LEF1: variants seen among roughly 807,000 people sequenced by gnomAD.
The protein encoded by LEF1 is lymphoid enhancer binding factor 1.
LEF1 carries 14 observed loss-of-function variants against 51.2 expected under a neutral mutation model. That is an observed-to-expected ratio of 0.27 (90% confidence interval 0.18 to 0.43). The LOEUF is 0.43. Ranked by LOEUF, LEF1 falls within the 20% of genes least tolerant of loss-of-function variation. The pLI is 1.00. For missense variants in LEF1, 386 were observed against 512.0 expected, an observed-to-expected ratio of 0.75 and a Z score of 2.37; for synonymous variants, 185 against 183.2, an observed-to-expected ratio of 1.01 and a Z score of -0.08.
At position 108,161,501 on chromosome 4, in the gene LEF1, C is replaced by T. The variant is rs537659536; in HGVS notation, c.414+2067G>A. On this transcript the variant is annotated intron_variant, in intron 3 of 11. Coordinates refer to ENST00000265165, the MANE Select transcript of LEF1 (RefSeq NM_016269.5). ...CTAAACAATGAATGACTGTTTGATT[C>T]ACTGACCTCAAAATTTTAATACATA... 3.9e-5 allele frequency among the ~76,000 whole-genome samples: 6 copies of T among 152,298 alleles called. No individual in the cohort carries two copies. In the South Asian group the frequency reaches 1.2e-3, roughly 32 times the overall value.
chr4:108,102,014 T>C (rs760963723), intron 3 of LEF1, among the ~76,000 whole-genome samples: 7 of 142,742 alleles, frequency 4.9e-5, no homozygotes, highest in African/African-American at 8.0e-5. Context: ...TGAGCCAAGA[T>C]AGCACACCAT....
At chr4:108,152,810 GCCACCTTCCAGCCATA>G (rs1434048912) in intron 3 of LEF1, among the ~76,000 whole-genome samples, 1 of 152,166 alleles carries the variant, frequency 6.6e-6, no homozygotes, top group Non-Finnish European at 1.5e-5. Context: ...GAGGCCACTG[GCCACCTTCCAGCCATA>G]CCACCACCAA....
intron 3 of LEF1, among the ~76,000 whole-genome samples, chr4:108,097,058 T>C (rs962119085): frequency 5.3e-5 from 8 of 152,156 alleles, no homozygotes; most frequent in Admixed American, 3.9e-4. Context: ...AAAAATATTA[T>C]CACCTTATTA....
chr4:108,104,484 T>C (rs1441256429), intron 3 of LEF1, among the ~76,000 whole-genome samples: 1 of 147,176 alleles, frequency 6.8e-6, no homozygotes, highest in Non-Finnish European at 1.5e-5. Context: ...AAAATATATA[T>C]ATAAATTATT....
intron 1 of LEF1, among the ~76,000 whole-genome samples, chr4:108,165,604 T>A (rs1446709416): frequency 6.6e-6 from 1 of 152,188 alleles, no homozygotes; most frequent in Admixed American, 6.5e-5. Flanking sequence ...CAACTGAAAA[T>A]GGCATTTAAA....
rs116960136 is a variant in LEF1, at chr4:108,134,773, T to A, written c.414+28795A>T. Among the ~76,000 whole-genome samples, 189 of 152,314 alleles carry A rather than the reference T, an allele frequency of 1.2e-3. 5 individuals are homozygous for A. The East Asian group carries it at 0.033, about 27-fold the overall frequency. On this transcript the variant is annotated intron_variant, in intron 3 of 11. Transcript: ENST00000265165. The stretch of plus-strand genomic sequence containing the variant: ...AAATTAAAACCCTGAGAAGTTAAAG[T>A]AAATGGCTCAAGGTCACATAGCAAG...
chr4:108,165,184 A>G, intron 1 of LEF1, 21 bp from the exon 2 acceptor site: 1 of 1,610,750 alleles, frequency 6.2e-7, no homozygotes, highest in South Asian at 1.1e-5. Context: ...GAATCCCCAC[A>G]CCCAAAAGAA....
chr4:108,109,072 G>A (rs1741359832), intron 3 of LEF1, among the ~76,000 whole-genome samples: 1 of 152,170 alleles, frequency 6.6e-6, no homozygotes, highest in Non-Finnish European at 1.5e-5. Flanking sequence ...AAGGAGCTTG[G>A]CAGACAAAGG....
chr4:108,124,412 C>CA (rs1402456475), intron 3 of LEF1, among the ~76,000 whole-genome samples: 2 of 151,958 alleles, frequency 1.3e-5, no homozygotes, highest in Non-Finnish European at 2.9e-5. Flanking sequence ...CTCTGTCCCC[C>CA]AGGCTGGAGT....
intron 3 of LEF1, among the ~76,000 whole-genome samples, chr4:108,092,752 C>T (rs930607800): frequency 1.3e-5 from 2 of 151,802 alleles, no homozygotes; most frequent in African/African-American, 2.4e-5. Context: ...TATACATGCC[C>T]GTGTGCATAT....
Position 108,136,181 on chromosome 4 carries a change from C to T in LEF1, c.414+27387G>A, listed in dbSNP as rs1168340407. On this transcript the variant is annotated intron_variant, in intron 3 of 11. Coordinates refer to ENST00000265165, the MANE Select transcript of LEF1 (RefSeq NM_016269.5). ...TAAAATAACTTTCAGAAGCATAGTTCATTTTTTCTAAAATAAATGTGCAAA... is the reference window on the plus strand; with the variant it reads ...TAAAATAACTTTCAGAAGCATAGTTTATTTTTTCTAAAATAAATGTGCAAA... 1.3e-5 allele frequency among the ~76,000 whole-genome samples: 2 copies of T among 152,194 alleles called. 1 individual carries two copies. The highest frequency in any genetic ancestry group is 4.1e-4 in the South Asian group (2 of 4,832).
intron 3 of LEF1, among the ~76,000 whole-genome samples, chr4:108,099,576 A>ATATGTGTG (rs1172706758): frequency 0.099 from 3,889 of 39,428 alleles, 473 homozygotes; most frequent in Middle Eastern, 0.13. Flanking sequence ...GTGTGTATAT[A>ATATGTGTG]TATATATATA....
chr4:108,147,045 T>C (rs1744038034), intron 3 of LEF1, among the ~76,000 whole-genome samples: 1 of 152,090 alleles, frequency 6.6e-6, no homozygotes, highest in African/African-American at 2.4e-5. Context: ...GGAGGAGCAC[T>C]TGAGCCTAGG....
chr4:108,079,792 G>A (rs561900093), intron 6 of LEF1, among the ~76,000 whole-genome samples, 178 bp from the exon 7 acceptor site: 5 of 150,898 alleles, frequency 3.3e-5, no homozygotes, highest in African/African-American at 2.4e-5. Flanking sequence ...TTCTATATTC[G>A]GGTGGAAAAA....
chr4:108,048,620 G>A lies in LEF1; in HGVS notation c.*138C>T. 1 of 1,218,244 alleles carries A rather than the reference G, an allele frequency of 8.2e-7. No homozygotes were observed. The allele number at this position is 1,218,244 out of a possible 1,614,324, so 75.5% of individuals were successfully genotyped here. On this transcript the variant is annotated 3_prime_UTR_variant, in exon 12 of 12. Transcript: ENST00000265165. Reference sequence around the variant, plus strand: ...GCAGTGACCTCAGGGTAAAATTGATGTCAGTGTTCCTTTGGGGTCGACTGG... The same window carrying A: ...GCAGTGACCTCAGGGTAAAATTGATATCAGTGTTCCTTTGGGGTCGACTGG...
chr4:108,147,114 A>T (rs1182979254), intron 3 of LEF1, among the ~76,000 whole-genome samples: 1 of 152,052 alleles, frequency 6.6e-6, no homozygotes, highest in East Asian at 1.9e-4. Flanking sequence ...GGTTACAGAG[A>T]GAGGCCCGGG....
intron 3 of LEF1, among the ~76,000 whole-genome samples, chr4:108,130,277 A>C (rs1250038281): frequency 6.6e-6 from 1 of 152,176 alleles, no homozygotes; most frequent in Non-Finnish European, 1.5e-5. Flanking sequence ...CTTAAATGAG[A>C]CCATTAAGAG....
At chr4:108,105,560 CA>C (rs1323155265) in intron 3 of LEF1, among the ~76,000 whole-genome samples, 1 of 152,112 alleles carries the variant, frequency 6.6e-6, no homozygotes. Context: ...CTTTGAATTT[CA>C]AAAATTGTTT....
intron 9 of LEF1, 22 bp from the exon 10 acceptor site, chr4:108,064,406 G>A: frequency 6.3e-7 from 1 of 1,581,348 alleles, no homozygotes. Context: ...GAGGTATACT[G>A]TCATGTCACA....
Sources: allele counts gnomAD v4.1 joint callset (sites outside exome capture counted in the v4.1 genomes callset), GRCh38; gene constraint gnomAD v4.1.1; transcripts MANE v1.5; gene names NCBI Gene and HGNC (gene_info 2026-07-23, HGNC 2026-07-21).